WWOX: variants seen among roughly 807,000 people sequenced by gnomAD.
The protein encoded by WWOX is WW domain-containing oxidoreductase.
Under a neutral mutation model 46.2 loss-of-function variants are expected in WWOX, and 69 were observed. The ratio of observed to expected loss-of-function variants is 1.49; its 90% CI spans 1.23 to 1.82. The LOEUF (loss-of-function observed/expected upper bound fraction) is 1.82, where lower values mean the gene tolerates loss of function less well. WWOX is among the 40% of genes most tolerant of loss of function. The pLI is 0.00. For synonymous variants in WWOX, 359 were observed against 202.6 expected (o/e 1.77, Z -6.56); for missense variants, 919 against 542.6 (o/e 1.69, Z -6.89).
At chr16:78,487,952 A>T (rs564627946) in intron 8 of WWOX, among the ~76,000 whole-genome samples, 14 of 152,206 alleles carry the variant, frequency 9.2e-5, no homozygotes, top group Non-Finnish European at 1.6e-4. Flanking sequence ...CTACCCTAGG[A>T]TCATTATCCC....
intron 6 of WWOX, among the ~76,000 whole-genome samples, chr16:78,422,357 C>CT (rs78250543): frequency 0.086 from 13,069 of 151,104 alleles, 1,632 homozygotes; most frequent in African/African-American, 0.28. Flanking sequence ...TGAAAAGTGT[C>CT]TTTTTTTTGA....
At chr16:78,452,882 C>CATAA (rs1567582112) in intron 8 of WWOX, among the ~76,000 whole-genome samples, 1 of 122,442 alleles carries the variant, frequency 8.2e-6, no homozygotes, top group African/African-American at 3.9e-5. Flanking sequence ...TATATATATA[C>CATAA]ATATTTTTGA....
chr16:78,885,169 G>A (rs1038495200), intron 8 of WWOX, among the ~76,000 whole-genome samples: 1 of 151,672 alleles, frequency 6.6e-6, no homozygotes, highest in Non-Finnish European at 1.5e-5. Flanking sequence ...TCATGGTTGC[G>A]GGGGACTACC....
chr16:78,099,764 C>T lies in WWOX; in HGVS notation c.-15C>T, dbSNP rs1185791283. On this transcript the variant is annotated 5_prime_UTR_variant, in exon 1 of 9. Transcript: ENST00000566780. ...CAGCGGGCGATAGGGGGGCCAGGTG[C>T]CTCCACAGTCAGCCATGGCAGCGCT... 3 of 1,534,082 alleles carry T rather than the reference C, an allele frequency of 2.0e-6. No homozygotes were observed.
At chr16:78,919,405 G>A (rs1361014847) in intron 8 of WWOX, among the ~76,000 whole-genome samples, 1 of 151,970 alleles carries the variant, frequency 6.6e-6, no homozygotes, top group African/African-American at 2.4e-5. Context: ...TTTGCTCCAT[G>A]GTCTAGCACA....
chr16:78,552,790 C>T (rs2044204927), intron 8 of WWOX: 1 of 152,224 alleles, frequency 6.6e-6, no homozygotes, highest in South Asian at 2.1e-4. Context: ...CTTCCTTTCT[C>T]CCTCTGTTCT....
chr16:78,812,550 C>G (rs190187551), intron 8 of WWOX, among the ~76,000 whole-genome samples: 1 of 151,884 alleles, frequency 6.6e-6, no homozygotes. Flanking sequence ...GGCGAAACTC[C>G]TTCTCTACTA....
intron 8 of WWOX, among the ~76,000 whole-genome samples, chr16:79,076,514 C>G (rs2048659535): frequency 6.6e-6 from 1 of 152,194 alleles, no homozygotes. Context: ...ATCCTCCGTG[C>G]CAGCCCCCGC....
chr16:78,632,680 T>A (rs1341291707), intron 8 of WWOX, among the ~76,000 whole-genome samples: 1 of 150,030 alleles, frequency 6.7e-6, no homozygotes, highest in Non-Finnish European at 1.5e-5. Flanking sequence ...TGCCTCAGCC[T>A]CTCGAATAGC....
chr16:78,946,894 T>C (rs1181679770), intron 8 of WWOX, among the ~76,000 whole-genome samples: 1 of 152,092 alleles, frequency 6.6e-6, no homozygotes, highest in African/African-American at 2.4e-5. Flanking sequence ...CACGATGACC[T>C]TCTCAGAGTC....
At chr16:78,691,408 A>T (rs1209345422) in intron 8 of WWOX, 20 of 642,882 alleles carry the variant, frequency 3.1e-5, no homozygotes, top group Non-Finnish European at 5.3e-5. Flanking sequence ...TGCTTTAGAA[A>T]ACATCTGGCT....
chr16:78,115,316 A>G (rs1162863340), intron 4 of WWOX, among the ~76,000 whole-genome samples, 162 bp downstream of exon 4: 1 of 152,138 alleles, frequency 6.6e-6, no homozygotes, highest in Non-Finnish European at 1.5e-5. Context: ...TTAAATCCTA[A>G]TGTTGTCATG....
In WWOX at chr16:78,108,294, C is replaced by T. The variant is rs906329886; in HGVS notation, c.108-129C>T. The T allele has an allele frequency of 2.5e-5, 23 of 925,102 alleles. No homozygotes were observed. The East Asian group carries it at 3.3e-4, about 13-fold the overall frequency. The allele number at this position is 925,102 out of a possible 1,614,324, so 57.3% of individuals were successfully genotyped here. A position where few individuals can be genotyped will look rare whatever the true frequency, so the allele number is the denominator to read the frequency against. ...ACCCCGTAGCTGGGGTCACAGTCCT[C>T]TTTCTCCTTCTTCCCCCTACTTCCT... is the stretch of plus-strand genomic sequence containing the variant. On this transcript the variant is annotated intron_variant, in intron 1 of 8. Coordinates refer to ENST00000566780, the MANE Select transcript of WWOX (RefSeq NM_016373.4).
intron 8 of WWOX, among the ~76,000 whole-genome samples, chr16:78,967,616 G>C (rs28371101): frequency 2.0e-5 from 3 of 151,832 alleles, no homozygotes; most frequent in Non-Finnish European, 4.4e-5. Flanking sequence ...CCCCTATGTA[G>C]ACTTTTAAAG....
intron 8 of WWOX, among the ~76,000 whole-genome samples, chr16:78,524,520 A>G (rs1332600746): frequency 1.3e-5 from 2 of 151,862 alleles, no homozygotes. Context: ...TCCCGTGTCC[A>G]AGTGATTCTT....
intron 8 of WWOX, among the ~76,000 whole-genome samples, chr16:78,742,344 C>CA (rs1423165075): frequency 1.1e-4 from 16 of 152,194 alleles, no homozygotes; most frequent in African/African-American, 3.4e-4. Context: ...TGAAGGGCAG[C>CA]AGCAGGACAG....
At chr16:78,597,500 C>A (rs186817884) in intron 8 of WWOX, among the ~76,000 whole-genome samples, 2 of 152,158 alleles carry the variant, frequency 1.3e-5, no homozygotes, top group African/African-American at 4.8e-5. Context: ...GCCGCCCACC[C>A]CACAATATGC....
chr16:78,677,822 C>T (rs758089726), intron 8 of WWOX, among the ~76,000 whole-genome samples: 6 of 152,150 alleles, frequency 3.9e-5, no homozygotes, highest in Non-Finnish European at 7.3e-5. Context: ...CATTGTATTT[C>T]CTTTATGGTG....
chr16:78,284,770 A>G (rs540169372), intron 5 of WWOX, among the ~76,000 whole-genome samples: 10 of 152,358 alleles, frequency 6.6e-5, no homozygotes, highest in African/African-American at 9.6e-5. Flanking sequence ...TGCAGTAAAG[A>G]AAAGGGTTGG....
Sources: gnomAD v4.1 joint callset for allele counts (sites outside exome capture counted in the v4.1 genomes callset) on GRCh38, gnomAD v4.1.1 for gene constraint, MANE v1.5 for transcripts, NCBI Gene and HGNC (gene_info 2026-07-23, HGNC 2026-07-21) for gene names.